Variants in DHCR24 observed in about 807,000 individuals in gnomAD.
DHCR24 encodes delta(24)-sterol reductase.
DHCR24 carries 28 observed loss-of-function variants against 61.2 expected under a neutral mutation model. That is an observed-to-expected ratio of 0.46 (90% CI 0.34 to 0.63). The LOEUF (loss-of-function observed/expected upper bound fraction) is 0.63, where lower values mean the gene tolerates loss of function less well. Among genes scored for constraint, DHCR24 ranks in the 20% least tolerant of loss-of-function variants. The pLI, the probability that DHCR24 is intolerant of heterozygous loss-of-function variation, is 0.01. For missense variants in DHCR24, 538 were observed against 679.1 expected (o/e 0.79, Z 2.31); for synonymous variants, 261 against 275.9 (o/e 0.95, Z 0.54).
rs1019751834 is a variant in DHCR24 at position 54,883,352 on chromosome 1, T to A, written c.387+266A>T. On this transcript the variant is annotated intron_variant, in intron 2 of 8. Transcript: ENST00000371269. The surrounding 1 kb of genome is among the most constrained non-coding windows in gnomAD (Gnocchi z 4.3). ...TATCAGGAAGGGGTAAGTAGATTCCTTTTTGCCTCTCATTTTTGCTCACGA... is the reference window on the plus strand; with the variant it reads ...TATCAGGAAGGGGTAAGTAGATTCCATTTTGCCTCTCATTTTTGCTCACGA... 3.3e-5 allele frequency among the ~76,000 whole-genome samples: 5 copies of A among 152,344 alleles called. No homozygotes were observed. Among genetic ancestry groups the A allele is most frequent in the Non-Finnish European group, 7.3e-5 (5 of 68,034 alleles).
In DHCR24 at chr1:54,876,009, C is replaced by A. The variant is rs367931179; in HGVS notation, c.426G>T (p.Val142=). 1.2e-6 allele frequency: 2 copies of A among 1,614,014 alleles called. No homozygotes were observed. Among genetic ancestry groups the A allele is most frequent in the Non-Finnish European group, 1.7e-6 (2 of 1,179,922 alleles). ...RVEPLVTMGQ[V]TALLTSIGWT... is the part of the protein sequence containing the mutation. ...AGCCAATGGAGGTCAGCAGGGCAGT[C>A]ACCTGGCCCATGGTCACCAAGGGCT... Residue 142 remains valine, a synonymous_variant, in exon 3 of 9, where the codon GTG becomes GTT. Transcript: ENST00000371269.
intron 5 of DHCR24, among the ~76,000 whole-genome samples, chr1:54,868,273 A>T (rs1277049071): frequency 1.3e-5 from 2 of 152,126 alleles, no homozygotes; most frequent in Non-Finnish European, 2.9e-5. Context: ...GATCGAGACA[A>T]TCCTGGCTAA....
chr1:54,864,396 G>A (rs1646956268), intron 6 of DHCR24, among the ~76,000 whole-genome samples: 1 of 151,980 alleles, frequency 6.6e-6, no homozygotes, highest in South Asian at 2.1e-4. Flanking sequence ...ATTGATACAT[G>A]AAAACATTAT....
intron 3 of DHCR24, 144 bp from the exon 4 acceptor site, chr1:54,875,355 C>G: frequency 9.3e-6 from 7 of 753,356 alleles, no homozygotes; most frequent in Non-Finnish European, 1.7e-5. Context: ...AGATTTCCCA[C>G]CTGTCAATCT....
At chr1:54,860,773 CAGG>C (rs1442227185) in intron 6 of DHCR24, among the ~76,000 whole-genome samples, 1 of 152,192 alleles carries the variant, frequency 6.6e-6, no homozygotes, top group African/African-American at 2.4e-5. Context: ...ATCACGAGGT[CAGG>C]AGATCGAGAC....
chr1:54,865,686 C>G (rs528713398), intron 5 of DHCR24, among the ~76,000 whole-genome samples: 2 of 152,208 alleles, frequency 1.3e-5, no homozygotes. Context: ...ACAGTGAGTC[C>G]CCGACAGTCT....
At chr1:54,854,360 T>C in intron 6 of DHCR24, 126 bp from the exon 7 acceptor site, 1 of 761,926 alleles carries the variant, frequency 1.3e-6, no homozygotes, top group South Asian at 1.8e-5. Context: ...CCAATTCCCC[T>C]CTTTGGAGGG....
At chr1:54,873,604 T>C (rs1647011112) in intron 4 of DHCR24, among the ~76,000 whole-genome samples, 1 of 152,352 alleles carries the variant, frequency 6.6e-6, no homozygotes, top group East Asian at 1.9e-4. Context: ...GGAAGCGTTA[T>C]TGATAATCTT....
intron 6 of DHCR24, among the ~76,000 whole-genome samples, chr1:54,859,451 ATTTAC>A (rs936951070): frequency 1.3e-5 from 2 of 151,996 alleles, no homozygotes; most frequent in Admixed American, 6.6e-5. Flanking sequence ...GAGTTGTGTT[ATTTAC>A]TTTGTCTCCA....
At chr1:54,875,897 C>T (rs1647026043) in intron 3 of DHCR24, 45 bp downstream of exon 3, 3 of 1,546,712 alleles carry the variant, frequency 1.9e-6, no homozygotes, top group African/African-American at 1.4e-5. Flanking sequence ...AGCTCCGGTC[C>T]TAGGACCGTG....
chr1:54,872,552 C>T (rs761168253), intron 4 of DHCR24, among the ~76,000 whole-genome samples: 7 of 152,152 alleles, frequency 4.6e-5, no homozygotes, highest in Non-Finnish European at 1.0e-4. Context: ...ACCTCAGGAA[C>T]AGCAGCACTA....
At chr1:54,880,080 T>A (rs918367323) in intron 2 of DHCR24, among the ~76,000 whole-genome samples, 1 of 151,898 alleles carries the variant, frequency 6.6e-6, no homozygotes, top group African/African-American at 2.4e-5. Flanking sequence ...TTTGAGAAGA[T>A]CAATAAAATT....
chr1:54,877,432 A>ATTTCATATATTT (rs1387142288), intron 2 of DHCR24, among the ~76,000 whole-genome samples: 1 of 151,704 alleles, frequency 6.6e-6, no homozygotes, highest in African/African-American at 2.4e-5. Flanking sequence ...AAAAAACCTG[A>ATTTCATATATTT]CAAAATATAT....
chr1:54,870,012 G>A (rs991585578), intron 5 of DHCR24, among the ~76,000 whole-genome samples: 46 of 151,292 alleles, frequency 3.0e-4, no homozygotes, highest in African/African-American at 5.6e-4. Context: ...CTGAGATCAC[G>A]CGCTGCACTC....
chr1:54,885,096 G>A (rs1647085530), intron 1 of DHCR24, among the ~76,000 whole-genome samples: 1 of 152,210 alleles, frequency 6.6e-6, no homozygotes, highest in African/African-American at 2.4e-5. Flanking sequence ...TCAAATACTG[G>A]TCAGGTCTCC....
At position 54,878,514 on chromosome 1, in the gene DHCR24, C is replaced by CA. The variant is rs56198608; in HGVS notation, c.388-2468dup. ...GGGCAACAAGAGTGAAACTCTGTCT[C>CA]AAAAAAAAAAAAAAAAAAAAAAAAA... On this transcript the variant is annotated intron_variant, in intron 2 of 8. Coordinates refer to ENST00000371269, the MANE Select transcript of DHCR24 (RefSeq NM_014762.4). Among the ~76,000 whole-genome samples the CA allele has an allele frequency of 1.1e-3, 58 of 54,320 alleles. 1 individual carries two copies. Among genetic ancestry groups the CA allele is most frequent in the African/African-American group, 3.6e-3 (51 of 14,144 alleles). 35.6% of individuals were successfully genotyped at this position (54,320 alleles called of 152,430 possible). A position where few individuals can be genotyped will look rare whatever the true frequency, so the allele number is the denominator to read the frequency against.
chr1:54,876,515 G>C (rs766362668), intron 2 of DHCR24, among the ~76,000 whole-genome samples: 1 of 152,044 alleles, frequency 6.6e-6, no homozygotes, highest in Non-Finnish European at 1.5e-5. Flanking sequence ...TTAGCCAGGC[G>C]TGGTGGCGGG....
At chr1:54,861,337 A>C (rs2101562064) in intron 6 of DHCR24, among the ~76,000 whole-genome samples, 1 of 152,262 alleles carries the variant, frequency 6.6e-6, no homozygotes, top group South Asian at 2.1e-4. Context: ...GGAATGCCTA[A>C]AATATTTGTT....
At chr1:54,886,335 T>G (rs903163781) in intron 1 of DHCR24, among the ~76,000 whole-genome samples, 1 of 152,208 alleles carries the variant, frequency 6.6e-6, no homozygotes, top group Non-Finnish European at 1.5e-5. Flanking sequence ...CTTCTTGCTT[T>G]AGTCTTCTAT....
Sources: allele counts gnomAD v4.1 joint callset (sites outside exome capture counted in the v4.1 genomes callset), GRCh38; gene constraint gnomAD v4.1.1; non-coding constraint Gnocchi (gnomAD v3.1); transcripts MANE v1.5; gene names NCBI Gene and HGNC (gene_info 2026-07-23, HGNC 2026-07-21).